CDS1: variants seen among roughly 807,000 people sequenced by gnomAD.
The protein encoded by CDS1 is phosphatidate cytidylyltransferase 1.
A neutral mutation model predicts 62.1 loss-of-function variants in CDS1; 41 were observed. The observed-to-expected ratio is 0.66, with a 90% CI of 0.51 to 0.86. The LOEUF (loss-of-function observed/expected upper bound fraction) is 0.86. CDS1 is among the 40% of genes least tolerant of loss of function. CDS1 has a pLI of 0.00. For missense variants in CDS1, 470 were observed against 550.1 expected, an observed-to-expected ratio of 0.85 and a Z score of 1.46; for synonymous variants, 185 against 192.6, an observed-to-expected ratio of 0.96 and a Z score of 0.32.
At chr4:84,597,852 T>C (rs191409792) in intron 1 of CDS1, among the ~76,000 whole-genome samples, 72 of 151,212 alleles carry the variant, frequency 4.8e-4, no homozygotes, top group Non-Finnish European at 7.5e-4. Flanking sequence ...GAAGGCCGGG[T>C]GCGGTGGCTC....
chr4:84,598,075 G>A (rs568645638), intron 1 of CDS1, among the ~76,000 whole-genome samples: 4 of 149,986 alleles, frequency 2.7e-5, no homozygotes, highest in African/African-American at 9.8e-5. Context: ...GCAGTGAGCC[G>A]AGATCGTGCC....
chr4:84,583,887 C>G (rs1401082090), intron 1 of CDS1, among the ~76,000 whole-genome samples: 2 of 152,166 alleles, frequency 1.3e-5, no homozygotes, highest in Non-Finnish European at 2.9e-5. Context: ...CCTCACCTCT[C>G]TTTTCAGTAG....
At chr4:84,592,395 A>C (rs1171615664) in intron 1 of CDS1, among the ~76,000 whole-genome samples, 2 of 150,542 alleles carry the variant, frequency 1.3e-5, no homozygotes, top group African/African-American at 4.9e-5. Flanking sequence ...CTGGTCTTGA[A>C]CTCCTGACCT....
intron 3 of CDS1, among the ~76,000 whole-genome samples, chr4:84,614,340 T>C (rs1000344558): frequency 1.3e-5 from 2 of 152,208 alleles, no homozygotes; most frequent in Non-Finnish European, 2.9e-5. Context: ...CTTGATGGAA[T>C]GTAGTTCATC....
chr4:84,604,082 A>G (rs1268004662), intron 1 of CDS1, among the ~76,000 whole-genome samples, 161 bp from the exon 2 acceptor site: 1 of 152,196 alleles, frequency 6.6e-6, no homozygotes, highest in African/African-American at 2.4e-5. Context: ...CTTTCCTAAC[A>G]AAGAAGTATA....
chr4:84,597,854 C>T (rs1324062469), intron 1 of CDS1, among the ~76,000 whole-genome samples: 4 of 151,938 alleles, frequency 2.6e-5, no homozygotes, highest in African/African-American at 4.8e-5. Flanking sequence ...AGGCCGGGTG[C>T]GGTGGCTCAT....
chr4:84,645,100 A>T (rs1282448181), intron 11 of CDS1, 122 bp from the exon 12 acceptor site: 2 of 670,618 alleles, frequency 3.0e-6, no homozygotes, highest in Non-Finnish European at 5.3e-6. Context: ...TATTTAGTGA[A>T]AAAAATCCAA....
chr4:84,638,106 A>G (rs1724268812), intron 8 of CDS1, among the ~76,000 whole-genome samples: 1 of 152,114 alleles, frequency 6.6e-6, no homozygotes, highest in South Asian at 2.1e-4. Flanking sequence ...CTGATGACCA[A>G]ATCCTCCCAC....
intron 2 of CDS1, among the ~76,000 whole-genome samples, chr4:84,607,321 C>A (rs1363068933): frequency 1.3e-5 from 2 of 151,576 alleles, no homozygotes; most frequent in Non-Finnish European, 2.9e-5. Flanking sequence ...TCTTGCTCTG[C>A]CACCCAGGCT....
chr4:84,638,638 C>G (rs914907071), intron 8 of CDS1, among the ~76,000 whole-genome samples: 1 of 152,006 alleles, frequency 6.6e-6, no homozygotes, highest in Non-Finnish European at 1.5e-5. Context: ...AGTTTATACT[C>G]TTTTGAGAGA....
intron 1 of CDS1, among the ~76,000 whole-genome samples, chr4:84,601,558 T>A (rs1191006066): frequency 6.6e-6 from 1 of 152,094 alleles, no homozygotes; most frequent in African/African-American, 2.4e-5. Flanking sequence ...TGAGGATCAT[T>A]ATCTTTAAAT....
intron 5 of CDS1, among the ~76,000 whole-genome samples, chr4:84,620,037 A>T (rs1723628847): frequency 6.6e-6 from 1 of 151,422 alleles, no homozygotes; most frequent in African/African-American, 2.4e-5. Flanking sequence ...AAAAAAAAAA[A>T]AAAAGAAAGA....
chr4:84,630,292 A>G (rs538116484), intron 5 of CDS1, among the ~76,000 whole-genome samples: 26 of 152,298 alleles, frequency 1.7e-4, no homozygotes, highest in African/African-American at 5.5e-4. Flanking sequence ...ATAAAGTGAC[A>G]TAATGGCTTT....
chr4:84,618,160 C>A (rs888261347), intron 4 of CDS1, among the ~76,000 whole-genome samples: 1 of 152,100 alleles, frequency 6.6e-6, no homozygotes, highest in Admixed American at 6.5e-5. Flanking sequence ...AATCATTGCT[C>A]TCAGAACCTT....
Position 84,645,204 on chromosome 4 carries a change from ATTTG to A in CDS1, c.1153-10_1153-7del, listed in dbSNP as rs1210180155. On this transcript the variant is annotated splice_polypyrimidine_tract_variant and intron_variant, in intron 11 of 12. Coordinates refer to ENST00000295887, the MANE Select transcript of CDS1 (RefSeq NM_001263.4). ...TGATTTTTTGAAAATTTGCTAATAT[ATTTG>A]TTTGTTTCTAAAGGATTTTGCAAAT... 8 of 1,530,578 alleles carry A rather than the reference ATTTG, an allele frequency of 5.2e-6. No homozygotes were observed. Among genetic ancestry groups the A allele is most frequent in the Non-Finnish European group, 7.2e-6 (8 of 1,105,152 alleles). 94.8% of individuals were successfully genotyped at this position (1,530,578 alleles called of 1,614,324 possible). A position where few individuals can be genotyped will look rare whatever the true frequency, so the allele number is the denominator to read the frequency against.
chr4:84,615,528 C>T (rs1345869700), intron 3 of CDS1, among the ~76,000 whole-genome samples: 3 of 152,022 alleles, frequency 2.0e-5, no homozygotes, highest in African/African-American at 7.3e-5. Flanking sequence ...CGCCCCATTC[C>T]CTCTACAGGT....
In CDS1 at chr4:84,645,204, A is replaced by G. The variant is rs534079902; in HGVS notation, c.1153-18A>G. 2.2e-5 allele frequency: 34 copies of G among 1,530,696 alleles called. No individual in the cohort carries two copies. The Admixed American group carries it at 2.7e-4, about 12-fold the overall frequency. 94.8% of individuals were successfully genotyped at this position (1,530,696 alleles called of 1,614,324 possible). ...TGATTTTTTGAAAATTTGCTAATATATTTGTTTGTTTCTAAAGGATTTTGC... is the reference window on the plus strand; with the variant it reads ...TGATTTTTTGAAAATTTGCTAATATGTTTGTTTGTTTCTAAAGGATTTTGC... On this transcript the variant is annotated intron_variant, in intron 11 of 12. Coordinates refer to ENST00000295887, the MANE Select transcript of CDS1 (RefSeq NM_001263.4).
intron 8 of CDS1, among the ~76,000 whole-genome samples, chr4:84,637,407 G>A (rs1255207085): frequency 2.0e-5 from 3 of 152,142 alleles, no homozygotes; most frequent in Admixed American, 1.3e-4. Flanking sequence ...TGATCTTGGC[G>A]GAAGGGGAAG....
Position 84,633,848 on chromosome 4 carries a change from T to G in CDS1, c.640-9T>G. On this transcript the variant is annotated splice_polypyrimidine_tract_variant and intron_variant, in intron 6 of 12. Transcript: ENST00000295887. ...TTCACTAATTTTTGTATTGTTGGGC[T>G]ATTAACAGTTCGCATGGACTCATGT... The G allele has an allele frequency of 6.3e-7, 1 of 1,582,804 alleles. No homozygotes were observed. Among genetic ancestry groups the G allele is most frequent in the Non-Finnish European group, 8.6e-7 (1 of 1,159,910 alleles).
Sources: allele counts gnomAD v4.1 joint callset (sites outside exome capture counted in the v4.1 genomes callset), GRCh38; gene constraint gnomAD v4.1.1; transcripts MANE v1.5; gene names NCBI Gene and HGNC (gene_info 2026-07-23, HGNC 2026-07-21).